Variants in SAMD8 observed in about 807,000 individuals in gnomAD.
SAMD8 encodes sphingomyelin synthase-related protein 1.
SAMD8 carries 20 observed loss-of-function variants against 42.0 expected under a neutral mutation model. The observed-to-expected ratio is 0.48, with a 90% CI of 0.34 to 0.69. The LOEUF is 0.69. Among genes scored for constraint, SAMD8 ranks in the 30% least tolerant of loss-of-function variants. SAMD8 has a pLI of 0.01. For missense variants in SAMD8, 328 were observed against 511.6 expected, an observed-to-expected ratio of 0.64 and a Z score of 3.46; for synonymous variants, 162 against 173.0, an observed-to-expected ratio of 0.94 and a Z score of 0.50.
chr10:75,107,948 A>G (rs1271744496), upstream of SAMD8: 6 of 1,567,334 alleles, frequency 3.8e-6, no homozygotes. Context: ...CATCCTCCCC[A>G]TGAATGAGCA....
chr10:75,162,933 CT>C (rs947825824), intron 2 of SAMD8, among the ~76,000 whole-genome samples: 3 of 149,378 alleles, frequency 2.0e-5, no homozygotes, highest in Admixed American at 6.7e-5. Context: ...TTCTTTTTTT[CT>C]TTTTTTTTGA....
At chr10:75,106,685 G>A (rs906258406), upstream of SAMD8, among the ~76,000 whole-genome samples, 3 of 152,222 alleles carry the variant, frequency 2.0e-5, no homozygotes, top group Non-Finnish European at 2.9e-5. Context: ...CAATTTGGCT[G>A]TCTTTCCACC....
At chr10:75,175,844 C>T in intron 4 of SAMD8, 11 of 983,402 alleles carry the variant, frequency 1.1e-5, no homozygotes, top group Non-Finnish European at 1.3e-5. Flanking sequence ...CCACTGTGCC[C>T]AGTCTGATTT....
upstream of SAMD8, chr10:75,107,986 TC>T: frequency 3.1e-6 from 5 of 1,609,060 alleles, no homozygotes; most frequent in East Asian, 1.1e-4. Flanking sequence ...GGACCCCAAG[TC>T]CTACCCCCAG....
chr10:75,148,576 A>T (rs1287405836), intron 1 of SAMD8, among the ~76,000 whole-genome samples: 1 of 151,838 alleles, frequency 6.6e-6, no homozygotes. Context: ...GATGGTCTTG[A>T]TCTCCTGACC....
intron 1 of SAMD8, among the ~76,000 whole-genome samples, chr10:75,111,943 G>A (rs1021710614): frequency 5.9e-5 from 9 of 152,202 alleles, no homozygotes; most frequent in Admixed American, 3.9e-4. Flanking sequence ...ATAAGTGGAG[G>A]CCGAGGAACG....
intron 1 of SAMD8, among the ~76,000 whole-genome samples, chr10:75,137,570 A>G (rs1223296148): frequency 6.6e-6 from 1 of 152,084 alleles, no homozygotes. Flanking sequence ...AAATTCTGAC[A>G]TACACTACAA....
In SAMD8 at chr10:75,173,302, A is replaced by T. The variant is rs183503953; in HGVS notation, c.793-2764A>T. Among the ~76,000 whole-genome samples, 4 of 152,368 alleles carry T rather than the reference A, an allele frequency of 2.6e-5. No individual in the cohort carries two copies. In the East Asian group the frequency reaches 5.8e-4, roughly 22 times the overall value. On this transcript the variant is annotated intron_variant, in intron 4 of 5. Coordinates refer to ENST00000542569, the MANE Select transcript of SAMD8 (RefSeq NM_001174156.2). Reference sequence around the variant, plus strand: ...TTCCATAAGGTAGTTTCATTATAATAAATTAATTGCTTGAAATTGCATTCC... The same window carrying T: ...TTCCATAAGGTAGTTTCATTATAATTAATTAATTGCTTGAAATTGCATTCC...
At chr10:75,160,228 G>A (rs1172203671) in intron 2 of SAMD8, among the ~76,000 whole-genome samples, 5 of 151,574 alleles carry the variant, frequency 3.3e-5, no homozygotes, top group African/African-American at 1.2e-4. Flanking sequence ...ACAGAGTCTT[G>A]CTCTGTCGCC....
chr10:75,102,903 G>C (rs1410521275), intron 1 of SAMD8, among the ~76,000 whole-genome samples: 1 of 152,158 alleles, frequency 6.6e-6, no homozygotes, highest in African/African-American at 2.4e-5. Flanking sequence ...AGTGAGCTGA[G>C]ATCACGCCAT....
chr10:75,170,332 T>G (rs999830051), intron 4 of SAMD8, among the ~76,000 whole-genome samples: 1 of 152,220 alleles, frequency 6.6e-6, no homozygotes, highest in South Asian at 2.1e-4. Flanking sequence ...GTTCACTTCT[T>G]GTACTGCAAT....
chr10:75,147,530 C>G (rs1449289315), intron 1 of SAMD8, among the ~76,000 whole-genome samples: 1 of 151,982 alleles, frequency 6.6e-6, no homozygotes, highest in Non-Finnish European at 1.5e-5. Context: ...GTTTCACCAT[C>G]TTGGCCAGGT....
rs60024591 is a variant in SAMD8, at chr10:75,148,346, C to CTTTTTTTTTTTTTTTTTTTT, written c.-15-2162_-15-2143dup. Among the ~76,000 whole-genome samples, 32 of 82,558 alleles carry CTTTTTTTTTTTTTTTTTTTT rather than the reference C, an allele frequency of 3.9e-4. 5 individuals are homozygous for CTTTTTTTTTTTTTTTTTTTT. Among genetic ancestry groups the CTTTTTTTTTTTTTTTTTTTT allele is most frequent in the African/African-American group, 1.5e-3 (23 of 15,312 alleles). The allele number at this position is 82,558 out of a possible 152,430, so 54.2% of individuals were successfully genotyped here. A position where few individuals can be genotyped will look rare whatever the true frequency, so the allele number is the denominator to read the frequency against. On this transcript the variant is annotated intron_variant, in intron 1 of 5. Coordinates refer to ENST00000542569, the MANE Select transcript of SAMD8 (RefSeq NM_001174156.2). ...GGGAAAGAATGCAGAGCAATACCAG[C>CTTTTTTTTTTTTTTTTTTTT]TTTTTTTTTTTTTTTTTTTTTTTTT...
At chr10:75,107,332 G>A (rs181070216), upstream of SAMD8, among the ~76,000 whole-genome samples, 3 of 150,052 alleles carry the variant, frequency 2.0e-5, no homozygotes, top group African/African-American at 7.4e-5. Flanking sequence ...GGGTAGCACT[G>A]AGACTCTGTC....
At chr10:75,141,797 T>C (rs1840022603) in intron 1 of SAMD8, among the ~76,000 whole-genome samples, 1 of 151,984 alleles carries the variant, frequency 6.6e-6, no homozygotes, top group Non-Finnish European at 1.5e-5. Context: ...TGCCTCAGCC[T>C]CCCAAAGTGC....
upstream of SAMD8, among the ~76,000 whole-genome samples, chr10:75,109,719 T>A (rs1191908279): frequency 6.6e-6 from 1 of 152,160 alleles, no homozygotes; most frequent in Non-Finnish European, 1.5e-5. Context: ...CAGGGACAGT[T>A]TTCTGAGTTG....
chr10:75,165,402 G>A (rs1432037399), intron 3 of SAMD8, among the ~76,000 whole-genome samples: 1 of 151,984 alleles, frequency 6.6e-6, no homozygotes, highest in Non-Finnish European at 1.5e-5. Context: ...CGGGCACGGT[G>A]GCTCATGCCT....
intron 1 of SAMD8, among the ~76,000 whole-genome samples, chr10:75,129,620 A>G (rs576836195): frequency 6.6e-6 from 1 of 152,314 alleles, no homozygotes; most frequent in East Asian, 1.9e-4. Context: ...AGGAAAAAGA[A>G]GTTATATAAT....
upstream of SAMD8, chr10:75,109,091 C>T: frequency 6.2e-7 from 1 of 1,612,344 alleles, no homozygotes; most frequent in East Asian, 2.2e-5. Flanking sequence ...TCCTCCAGCT[C>T]CAGGATGCTG....
Sources: allele counts gnomAD v4.1 joint callset (sites outside exome capture counted in the v4.1 genomes callset), GRCh38; gene constraint gnomAD v4.1.1; transcripts MANE v1.5; gene names NCBI Gene and HGNC (gene_info 2026-07-23, HGNC 2026-07-21).